Variants in PID1 observed in about 807,000 individuals in gnomAD.
The protein encoded by PID1 is PTB-containing, cubilin and LRP1-interacting protein.
PID1 carries 10 observed loss-of-function variants against 19.1 expected under a neutral mutation model. The observed-to-expected ratio is 0.52, with a 90% CI of 0.32 to 0.89. PID1 has a LOEUF of 0.89. Ranked by LOEUF, PID1 falls within the 40% of genes least tolerant of loss-of-function variation. The pLI is 0.03. For synonymous variants in PID1, 130 were observed against 116.0 expected (o/e 1.12, Z -0.78); for missense variants, 248 against 285.3 (o/e 0.87, Z 0.94).
chr2:229,094,694 C>T (rs953516324), intron 2 of PID1, among the ~76,000 whole-genome samples: 2 of 151,966 alleles, frequency 1.3e-5, no homozygotes, highest in Admixed American at 1.3e-4. Flanking sequence ...AAAGAACACC[C>T]TATTCAATAA....
intron 1 of PID1, chr2:229,244,797 C>T (rs1005932374): frequency 7.9e-5 from 12 of 152,092 alleles, no homozygotes; most frequent in Non-Finnish European, 1.5e-4. Flanking sequence ...AGCTTCATGT[C>T]CCAGGCTTTG....
intron 1 of PID1, among the ~76,000 whole-genome samples, chr2:229,269,422 C>T (rs936859072): frequency 1.3e-5 from 2 of 152,200 alleles, no homozygotes; most frequent in Admixed American, 1.3e-4. Flanking sequence ...CTAAGTGAAA[C>T]AGGCCGGTAG....
chr2:229,181,736 C>T (rs1690950922), intron 1 of PID1, among the ~76,000 whole-genome samples: 1 of 151,418 alleles, frequency 6.6e-6, no homozygotes, highest in South Asian at 2.2e-4. Context: ...CTTTATTTCT[C>T]TTTGTAGACA....
chr2:229,253,107 G>T (rs1041918444), intron 1 of PID1, among the ~76,000 whole-genome samples: 19 of 152,298 alleles, frequency 1.2e-4, no homozygotes, highest in African/African-American at 4.6e-4. Context: ...TTGTCCTAGA[G>T]TGAACTTACA....
chr2:229,037,105 G>A (rs1693680627), intron 2 of PID1, among the ~76,000 whole-genome samples: 1 of 152,024 alleles, frequency 6.6e-6, no homozygotes, highest in African/African-American at 2.4e-5. Context: ...GCCTTGGTTG[G>A]GAGATATTTA....
intron 2 of PID1, among the ~76,000 whole-genome samples, chr2:229,127,664 C>CCT (rs1015183287): frequency 3.0e-4 from 45 of 152,180 alleles, no homozygotes; most frequent in Non-Finnish European, 6.0e-4. Flanking sequence ...GCATCCCCGG[C>CCT]CTCCACCCAC....
chr2:229,256,806 C>T (rs1690313382), intron 1 of PID1, among the ~76,000 whole-genome samples: 1 of 152,204 alleles, frequency 6.6e-6, no homozygotes, highest in South Asian at 2.1e-4. Context: ...AAGCTACGCT[C>T]TTTGTAGTCC....
intron 1 of PID1, among the ~76,000 whole-genome samples, chr2:229,214,275 TCTTA>T (rs67334938): frequency 0.47 from 71,426 of 151,420 alleles, 17,303 homozygotes; most frequent in Non-Finnish European, 0.52. Context: ...ACTCAAGTCA[TCTTA>T]CTTGGGGGTA....
At chr2:229,168,364 T>C (rs533775978) in intron 1 of PID1, among the ~76,000 whole-genome samples, 47 of 152,270 alleles carry the variant, frequency 3.1e-4, no homozygotes, top group Middle Eastern at 3.4e-3. Context: ...ACACTCTTTT[T>C]TCTTTTTGGA....
chr2:229,262,280 C>G (rs138810515), intron 1 of PID1, among the ~76,000 whole-genome samples: 1 of 152,146 alleles, frequency 6.6e-6, no homozygotes, highest in Non-Finnish European at 1.5e-5. Context: ...ATCTCCAAAG[C>G]GAACCATCTT....
intron 1 of PID1, among the ~76,000 whole-genome samples, chr2:229,164,890 G>A (rs967891920): frequency 3.3e-5 from 5 of 152,182 alleles, no homozygotes; most frequent in Non-Finnish European, 7.3e-5. Context: ...AGAGAATTCT[G>A]TAAATTTTCA....
intron 2 of PID1, among the ~76,000 whole-genome samples, chr2:229,106,111 G>T (rs1026060828): frequency 6.3e-5 from 9 of 143,170 alleles, no homozygotes; most frequent in East Asian, 2.0e-4. Context: ...AAGAAAGAAA[G>T]AAATAAACAG....
intron 2 of PID1, among the ~76,000 whole-genome samples, chr2:229,073,589 G>A (rs1694501200): frequency 6.6e-6 from 1 of 152,148 alleles, no homozygotes; most frequent in Non-Finnish European, 1.5e-5. Context: ...GGCTAGAGGA[G>A]TCCTAGTCTA....
intron 2 of PID1, among the ~76,000 whole-genome samples, chr2:229,076,551 AC>A (rs1694562089): frequency 6.7e-6 from 1 of 149,514 alleles, no homozygotes; most frequent in Admixed American, 6.7e-5. Context: ...ATTGCCTCCC[AC>A]CCCCCAACAG....
Position 229,163,680 on chromosome 2 carries a change from T to TGTGTGCGCGCGC in PID1, c.31-7717_31-7716insGCGCGCGCACAC, listed in dbSNP as rs1365270238. 1.9e-3 allele frequency among the ~76,000 whole-genome samples: 193 copies of TGTGTGCGCGCGC among 103,796 alleles called. 2 individuals are homozygous for TGTGTGCGCGCGC. Among genetic ancestry groups the TGTGTGCGCGCGC allele is most frequent in the East Asian group, 0.013 (54 of 4,198 alleles). The allele number at this position is 103,796 out of a possible 152,430, so 68.1% of individuals were successfully genotyped here. ...GTGTGTGTGTGTGTGTGTGTGCGTG[T>TGTGTGCGCGCGC]GCGTGTGTGTGTGTGTATACTCACT... On this transcript the variant is annotated intron_variant, in intron 1 of 2. Coordinates refer to ENST00000392055, the MANE Select transcript of PID1 (RefSeq NM_001100818.2).
At chr2:229,197,228 G>T (rs1232760048) in intron 1 of PID1, among the ~76,000 whole-genome samples, 1 of 151,938 alleles carries the variant, frequency 6.6e-6, no homozygotes, top group Non-Finnish European at 1.5e-5. Context: ...AAGTAATAGT[G>T]GCAACTTAAT....
chr2:229,056,466 T>TTAGGAAACTAATTA (rs1694102541), intron 2 of PID1, among the ~76,000 whole-genome samples: 1 of 152,176 alleles, frequency 6.6e-6, no homozygotes, highest in Non-Finnish European at 1.5e-5. Context: ...GATTAAGTCA[T>TTAGGAAACTAATTA]CTGTCTTTAG....
chr2:229,111,608 T>C (rs758688043), intron 2 of PID1, among the ~76,000 whole-genome samples: 1 of 152,174 alleles, frequency 6.6e-6, no homozygotes, highest in East Asian at 1.9e-4. Flanking sequence ...ACTTAAGTAA[T>C]AGAAAATGAA....
intron 1 of PID1, among the ~76,000 whole-genome samples, chr2:229,252,294 G>A (rs942834291): frequency 1.3e-5 from 2 of 152,142 alleles, no homozygotes. Flanking sequence ...TTAATTTGGG[G>A]GCAGAAAACA....
Sources: allele counts gnomAD v4.1 joint callset (sites outside exome capture counted in the v4.1 genomes callset), GRCh38; gene constraint gnomAD v4.1.1; transcripts MANE v1.5; gene names NCBI Gene and HGNC (gene_info 2026-07-23, HGNC 2026-07-21).